The following KCNH7 variants were observed in gnomAD, a reference collection of about 807,000 sequenced individuals.
KCNH7 encodes the protein potassium voltage-gated channel subfamily H member 7.
Under a neutral mutation model 120.8 loss-of-function variants are expected in KCNH7, and 49 were observed. The ratio of observed to expected loss-of-function variants is 0.41; its 90% CI spans 0.32 to 0.51. The LOEUF is 0.51. Among genes scored for constraint, KCNH7 ranks in the 20% least tolerant of loss-of-function variants. The probability of loss-of-function intolerance (pLI) is 0.38; values close to 1 mark genes in which losing one functional copy is unlikely to be tolerated. For synonymous variants in KCNH7, 547 were observed against 516.1 expected (o/e 1.06, Z -0.81); for missense variants, 1,097 against 1,446.6 (o/e 0.76, Z 3.92).
At chr2:162,837,054 G>T (rs1318046885) in intron 1 of KCNH7, among the ~76,000 whole-genome samples, 1 of 152,184 alleles carries the variant, frequency 6.6e-6, no homozygotes, top group Non-Finnish European at 1.5e-5. Flanking sequence ...AACTGCGGGG[G>T]TTCCTAGTGG....
chr2:162,391,779 A>G (rs73014841), intron 12 of KCNH7, among the ~76,000 whole-genome samples: 20,139 of 152,062 alleles, frequency 0.13, 3,493 homozygotes, highest in African/African-American at 0.39. Context: ...ACTATGTGGA[A>G]GACATTATTA....
chr2:162,690,547 C>G (rs1349623859), intron 2 of KCNH7, among the ~76,000 whole-genome samples: 1 of 152,016 alleles, frequency 6.6e-6, no homozygotes, highest in African/African-American at 2.4e-5. Context: ...ATATAAACAT[C>G]TCAATATGCC....
At chr2:162,499,999 T>C (rs558590990) in intron 6 of KCNH7, among the ~76,000 whole-genome samples, 22 of 152,004 alleles carry the variant, frequency 1.4e-4, no homozygotes, top group African/African-American at 5.3e-4. Flanking sequence ...ATACTTTACA[T>C]TGCACTGTAA....
In KCNH7 at chr2:162,558,725, T is replaced by C. The variant is rs1574100380; in HGVS notation, c.308-21645A>G. Among the ~76,000 whole-genome samples, 2 of 150,506 alleles carry C rather than the reference T, an allele frequency of 1.3e-5. 1 individual carries two copies. The highest frequency in any genetic ancestry group is 4.2e-4 in the South Asian group (2 of 4,782). ...GACAGTATAATACAATCAAAGAGGG[T>C]GTTTGATAGGAGTTATTTCATACTC... On this transcript the variant is annotated intron_variant, in intron 2 of 15. Transcript: ENST00000332142.
intron 1 of KCNH7, 108 bp downstream of exon 1, chr2:162,838,335 A>G: frequency 2.3e-6 from 2 of 851,814 alleles, no homozygotes; most frequent in South Asian, 1.5e-5. Context: ...CAGCCTCTTA[A>G]GTTGACAGAG....
intron 12 of KCNH7, among the ~76,000 whole-genome samples, chr2:162,393,877 C>T (rs940230202): frequency 6.6e-6 from 1 of 151,756 alleles, no homozygotes; most frequent in East Asian, 1.9e-4. Context: ...AGTAGCTGCT[C>T]GAAAATGTGA....
At chr2:162,677,577 G>A (rs898609974) in intron 2 of KCNH7, among the ~76,000 whole-genome samples, 1 of 151,254 alleles carries the variant, frequency 6.6e-6, no homozygotes, top group Non-Finnish European at 1.5e-5. Context: ...TTTATCTATT[G>A]TACTCTAGAT....
chr2:162,477,301 C>G (rs1226927295), intron 6 of KCNH7, among the ~76,000 whole-genome samples: 1 of 152,188 alleles, frequency 6.6e-6, no homozygotes, highest in Non-Finnish European at 1.5e-5. Context: ...CACCAGTGCT[C>G]AGAGCTCAAC....
intron 2 of KCNH7, among the ~76,000 whole-genome samples, chr2:162,639,356 T>C (rs1464428079): frequency 2.0e-5 from 3 of 152,226 alleles, no homozygotes; most frequent in Non-Finnish European, 2.9e-5. Context: ...TTTACATTTA[T>C]TGGATGAATG....
intron 15 of KCNH7, among the ~76,000 whole-genome samples, chr2:162,373,200 G>A (rs1036824145): frequency 2.2e-4 from 33 of 152,032 alleles, no homozygotes; most frequent in African/African-American, 7.7e-4. Flanking sequence ...GGTTGATTCT[G>A]GAAGAAAGGT....
intron 2 of KCNH7, among the ~76,000 whole-genome samples, chr2:162,573,897 A>G (rs1332221627): frequency 6.6e-6 from 1 of 152,052 alleles, no homozygotes; most frequent in Admixed American, 6.6e-5. Context: ...ATTGTGGCAT[A>G]TAGTTACCAG....
chr2:162,706,964 C>T (rs1365750693), intron 2 of KCNH7, among the ~76,000 whole-genome samples: 1 of 152,092 alleles, frequency 6.6e-6, no homozygotes, highest in Non-Finnish European at 1.5e-5. Flanking sequence ...CAAGGGCTAT[C>T]TCCGGTTTCA....
intron 2 of KCNH7, among the ~76,000 whole-genome samples, chr2:162,564,540 T>C (rs1205549942): frequency 6.6e-6 from 1 of 152,158 alleles, no homozygotes; most frequent in Non-Finnish European, 1.5e-5. Flanking sequence ...TGTTCTGCTT[T>C]TCTTTCTTGG....
At position 162,808,924 on chromosome 2, in the gene KCNH7, G is replaced by A. The variant is rs767009771; in HGVS notation, c.307+27613C>T. Reference sequence around the variant, plus strand: ...TAAGTAATCATGTTAGCACTAACTTGTACAGTCCAGTGTTTCTCTGCAAGC... The same window carrying A: ...TAAGTAATCATGTTAGCACTAACTTATACAGTCCAGTGTTTCTCTGCAAGC... On this transcript the variant is annotated intron_variant, in intron 2 of 15. Transcript: ENST00000332142. Among the ~76,000 whole-genome samples the A allele has an allele frequency of 2.6e-5, 4 of 152,276 alleles. No homozygotes were observed. The South Asian group carries it at 6.2e-4, about 24-fold the overall frequency.
intron 2 of KCNH7, among the ~76,000 whole-genome samples, chr2:162,725,594 A>AAGTT (rs1447196516): frequency 6.6e-6 from 1 of 152,130 alleles, no homozygotes; most frequent in Admixed American, 6.5e-5. Context: ...AAGCACTGGG[A>AAGTT]AGTTATTCAT....
chr2:162,522,047 C>T (rs554282436), intron 3 of KCNH7, among the ~76,000 whole-genome samples: 5 of 151,850 alleles, frequency 3.3e-5, no homozygotes, highest in Non-Finnish European at 7.4e-5. Flanking sequence ...TAAGAGTAAC[C>T]AATCTGCGCA....
chr2:162,707,049 A>T (rs145978572), intron 2 of KCNH7, among the ~76,000 whole-genome samples: 1 of 152,272 alleles, frequency 6.6e-6, no homozygotes, highest in Non-Finnish European at 1.5e-5. Flanking sequence ...ACATCTTGTG[A>T]CAGTCCATTT....
At chr2:162,577,865 T>A (rs1693742722) in intron 2 of KCNH7, among the ~76,000 whole-genome samples, 3 of 152,050 alleles carry the variant, frequency 2.0e-5, no homozygotes, top group Admixed American at 2.0e-4. Flanking sequence ...ATTAAATGAA[T>A]GAAAACTATT....
At chr2:162,552,194 A>G (rs1433374815) in intron 2 of KCNH7, among the ~76,000 whole-genome samples, 1 of 152,144 alleles carries the variant, frequency 6.6e-6, no homozygotes, top group Non-Finnish European at 1.5e-5. Context: ...CTCCATAACT[A>G]CCTTGCTTAC....
Sources: allele counts gnomAD v4.1 joint callset (sites outside exome capture counted in the v4.1 genomes callset), GRCh38; gene constraint gnomAD v4.1.1; transcripts MANE v1.5; gene names NCBI Gene and HGNC (gene_info 2026-07-23, HGNC 2026-07-21).